Variants in PLCL1 observed in about 807,000 individuals in gnomAD.
The protein encoded by PLCL1 is phospholipase C like 1 (inactive), also known as inactive phospholipase C-like protein 1.
A neutral mutation model predicts 84.4 loss-of-function variants in PLCL1; 41 were observed. The ratio of observed to expected loss-of-function variants is 0.49; its 90% CI spans 0.38 to 0.63. The LOEUF (loss-of-function observed/expected upper bound fraction) is 0.63, where lower values mean the gene tolerates loss of function less well. Among genes scored for constraint, PLCL1 ranks in the 30% least tolerant of loss-of-function variants. The probability of loss-of-function intolerance (pLI) is 0.00; values close to 1 mark genes in which losing one functional copy is unlikely to be tolerated. For synonymous variants in PLCL1, 490 were observed against 488.3 expected (o/e 1.00, Z -0.05); for missense variants, 1,206 against 1,367.8 (o/e 0.88, Z 1.87).
At chr2:197,931,542 A>G (rs138477710) in intron 1 of PLCL1, among the ~76,000 whole-genome samples, 1 of 152,120 alleles carries the variant, frequency 6.6e-6, no homozygotes, top group Admixed American at 6.6e-5. Flanking sequence ...CCTTTATACA[A>G]ATGATCTTGG....
At chr2:197,970,964 T>C (rs1689851407) in intron 1 of PLCL1, among the ~76,000 whole-genome samples, 1 of 152,246 alleles carries the variant, frequency 6.6e-6, no homozygotes, top group African/African-American at 2.4e-5. Context: ...CATCAGATAA[T>C]TGAATATCAT....
intron 1 of PLCL1, among the ~76,000 whole-genome samples, chr2:197,959,074 G>T (rs1379286151): frequency 6.6e-6 from 1 of 151,992 alleles, no homozygotes; most frequent in Non-Finnish European, 1.5e-5. Flanking sequence ...AAATTTTTGT[G>T]TGTGTGCCCC....
intron 1 of PLCL1, among the ~76,000 whole-genome samples, chr2:197,905,463 A>G (rs953149308): frequency 3.3e-5 from 5 of 152,206 alleles, no homozygotes; most frequent in Admixed American, 2.6e-4. Flanking sequence ...TCCATGCTGT[A>G]TATGTGCCAC....
At chr2:198,001,398 C>T (rs772920574) in intron 1 of PLCL1, among the ~76,000 whole-genome samples, 1 of 152,154 alleles carries the variant, frequency 6.6e-6, no homozygotes, top group Non-Finnish European at 1.5e-5. Context: ...ACAAAGTGAA[C>T]ATACTTGTGT....
chr2:198,089,642 T>C (rs1161753839), intron 3 of PLCL1, among the ~76,000 whole-genome samples: 3 of 152,100 alleles, frequency 2.0e-5, no homozygotes, highest in African/African-American at 4.8e-5. Context: ...CAGCCTGGAG[T>C]TGACATATAG....
At chr2:197,819,790 A>G (rs1690776438) in intron 1 of PLCL1, among the ~76,000 whole-genome samples, 1 of 151,438 alleles carries the variant, frequency 6.6e-6, no homozygotes, top group Non-Finnish European at 1.5e-5. Flanking sequence ...AAGATCTTAC[A>G]ATATCTTCAA....
At chr2:198,140,400 A>T (rs948085800) in intron 5 of PLCL1, among the ~76,000 whole-genome samples, 10 of 152,150 alleles carry the variant, frequency 6.6e-5, no homozygotes, top group African/African-American at 1.7e-4. Flanking sequence ...AAACTATTTT[A>T]AAAAACATGG....
intron 3 of PLCL1, 132 bp downstream of exon 3, chr2:198,089,193 G>T (rs1692960075): frequency 1.4e-6 from 1 of 690,974 alleles, no homozygotes; most frequent in Non-Finnish European, 2.5e-6. Flanking sequence ...GAGGTAGCAT[G>T]CAGAGCCGGC....
intron 1 of PLCL1, among the ~76,000 whole-genome samples, chr2:198,072,968 T>A (rs1304529848): frequency 6.6e-6 from 1 of 152,208 alleles, no homozygotes; most frequent in East Asian, 1.9e-4. Context: ...ATTTCCTTTT[T>A]TCCTTGACAC....
At chr2:197,932,536 C>G (rs1486111645) in intron 1 of PLCL1, among the ~76,000 whole-genome samples, 1 of 152,090 alleles carries the variant, frequency 6.6e-6, no homozygotes, top group Non-Finnish European at 1.5e-5. Context: ...CCAAACCCAG[C>G]AGGCCCCAGT....
intron 1 of PLCL1, among the ~76,000 whole-genome samples, chr2:197,950,335 T>C (rs1020137231): frequency 1.3e-5 from 2 of 151,908 alleles, no homozygotes; most frequent in Non-Finnish European, 2.9e-5. Context: ...CAGCTGGGGG[T>C]CTCTCGTACC....
At chr2:197,827,372 A>ATG (rs1690952957) in intron 1 of PLCL1, among the ~76,000 whole-genome samples, 3 of 151,998 alleles carry the variant, frequency 2.0e-5, no homozygotes, top group Admixed American at 2.0e-4. Context: ...ATAAATATAT[A>ATG]TGTGTATATA....
chr2:197,818,988 A>C (rs1313087954), intron 1 of PLCL1, among the ~76,000 whole-genome samples: 1 of 152,084 alleles, frequency 6.6e-6, no homozygotes, highest in Non-Finnish European at 1.5e-5. Context: ...AATCTCCCAC[A>C]CCAGGATAAT....
At chr2:197,937,521 G>T (rs140017042) in intron 1 of PLCL1, among the ~76,000 whole-genome samples, 1 of 151,936 alleles carries the variant, frequency 6.6e-6, no homozygotes, top group Admixed American at 6.6e-5. Context: ...TAAGTATTTT[G>T]TTTCTTTGAA....
intron 1 of PLCL1, among the ~76,000 whole-genome samples, chr2:198,012,921 C>G (rs1003257221): frequency 2.6e-5 from 4 of 151,962 alleles, no homozygotes; most frequent in Admixed American, 6.6e-5. Context: ...AATTATGACA[C>G]TGTATTTTAA....
At chr2:197,922,309 C>T (rs1242700485) in intron 1 of PLCL1, among the ~76,000 whole-genome samples, 6 of 89,712 alleles carry the variant, frequency 6.7e-5, no homozygotes, top group Non-Finnish European at 1.4e-4. Flanking sequence ...GCACATGTTT[C>T]AGAGAGCACA....
chr2:197,848,163 A>G (rs1260445875), intron 1 of PLCL1, among the ~76,000 whole-genome samples: 1 of 152,190 alleles, frequency 6.6e-6, no homozygotes, highest in Non-Finnish European at 1.5e-5. Context: ...TAAACAGATG[A>G]GCTTCTGAAA....
intron 1 of PLCL1, among the ~76,000 whole-genome samples, chr2:197,835,304 A>G (rs997630555): frequency 6.6e-6 from 1 of 152,250 alleles, no homozygotes; most frequent in African/African-American, 2.4e-5. Flanking sequence ...TAAAAAAACC[A>G]TAGTGTTAAA....
At chr2:198,047,977 A>C (rs773218157) in intron 1 of PLCL1, among the ~76,000 whole-genome samples, 4 of 152,202 alleles carry the variant, frequency 2.6e-5, no homozygotes, top group Non-Finnish European at 4.4e-5. Flanking sequence ...CCATTTTGTT[A>C]CACATTGCCA....
Sources: allele counts gnomAD v4.1 joint callset (sites outside exome capture counted in the v4.1 genomes callset), GRCh38; gene constraint gnomAD v4.1.1; transcripts MANE v1.5; gene names NCBI Gene and HGNC (gene_info 2026-07-23, HGNC 2026-07-21).